Variants in CHID1 observed in about 807,000 individuals in gnomAD.
CHID1 encodes chitinase domain containing 1.
CHID1 carries 44 observed loss-of-function variants against 55.4 expected under a neutral mutation model. The ratio of observed to expected loss-of-function variants is 0.79; its 90% CI spans 0.62 to 1.02. The LOEUF (loss-of-function observed/expected upper bound fraction) is 1.02. CHID1 is among the 50% of genes least tolerant of loss of function. The pLI, the probability that CHID1 is intolerant of heterozygous loss-of-function variation, is 0.00. For missense variants in CHID1, 491 were observed against 515.3 expected (o/e 0.95, Z 0.46); for synonymous variants, 216 against 212.9 (o/e 1.01, Z -0.13).
At chr11:914,315 G>A (rs1852838090), upstream of CHID1, 1 of 255,968 alleles carries the variant, frequency 3.9e-6, no homozygotes, top group South Asian at 3.4e-5. Context: ...CGGGGTGGGT[G>A]TGGAGTGCCC....
At chr11:874,018 C>T (rs916640732) in intron 10 of CHID1, among the ~76,000 whole-genome samples, 1 of 151,950 alleles carries the variant, frequency 6.6e-6, no homozygotes, top group Non-Finnish European at 1.5e-5. Context: ...TGTCCTTGGA[C>T]CTCCTGATGT....
At chr11:885,811 T>C (rs575894037) in intron 8 of CHID1, among the ~76,000 whole-genome samples, 1 of 152,166 alleles carries the variant, frequency 6.6e-6, no homozygotes, top group African/African-American at 2.4e-5. Flanking sequence ...ACTACAGCCT[T>C]GAACTTCTGG....
intron 8 of CHID1, among the ~76,000 whole-genome samples, chr11:893,078 G>A (rs1345773574): frequency 3.9e-5 from 6 of 152,216 alleles, no homozygotes; most frequent in Admixed American, 3.9e-4. Context: ...GGGAAGCCCA[G>A]TGTCTGCCTG....
At chr11:888,047 C>T (rs752854169) in intron 8 of CHID1, among the ~76,000 whole-genome samples, 2 of 152,272 alleles carry the variant, frequency 1.3e-5, no homozygotes, top group African/African-American at 2.4e-5. Flanking sequence ...GACATGGCTC[C>T]ACACCACGCC....
rs769210006 is a variant in CHID1 at position 910,776 on chromosome 11, T to C, written c.-45A>G. The C allele has an allele frequency of 3.5e-6, 4 of 1,139,468 alleles. No individual in the cohort carries two copies. Among genetic ancestry groups the C allele is most frequent in the Non-Finnish European group, 4.4e-6 (4 of 918,826 alleles). The allele number at this position is 1,139,468 out of a possible 1,614,324, so 70.6% of individuals were successfully genotyped here. A position where few individuals can be genotyped will look rare whatever the true frequency, so the allele number is the denominator to read the frequency against. On this transcript the variant is annotated splice_region_variant and 5_prime_UTR_variant, in exon 1 of 13. Transcript: ENST00000323578. ...GGGGCCGGCCGCCGCGGGGCTCACCTGCATGTCAGGGAGGCCGGACGGCCA... is the reference window on the plus strand; with the variant it reads ...GGGGCCGGCCGCCGCGGGGCTCACCCGCATGTCAGGGAGGCCGGACGGCCA...
chr11:870,544 C>G (rs900031438), intron 10 of CHID1, 45 bp from the exon 11 acceptor site: 20 of 1,366,040 alleles, frequency 1.5e-5, no homozygotes, highest in African/African-American at 2.9e-5. Context: ...CCAGCTCCCC[C>G]ACAGCCCCAC....
chr11:913,529 T>C (rs193081824), upstream of CHID1, among the ~76,000 whole-genome samples: 1,008 of 152,222 alleles, frequency 6.6e-3, 42 homozygotes, highest in Admixed American at 0.061. Flanking sequence ...TCCCAGCACT[T>C]TGGGAGGCCG....
chr11:891,011 C>A (rs1266732879), intron 8 of CHID1, among the ~76,000 whole-genome samples: 2 of 152,170 alleles, frequency 1.3e-5, no homozygotes, highest in African/African-American at 2.4e-5. Flanking sequence ...GTGACAAGCA[C>A]AATTACGCGC....
chr11:905,855 A>G (rs901800643), intron 1 of CHID1, among the ~76,000 whole-genome samples: 1 of 152,188 alleles, frequency 6.6e-6, no homozygotes, highest in African/African-American at 2.4e-5. Context: ...CTGGAGTAGA[A>G]CTACATACAA....
chr11:906,270 T>G (rs1164224646), intron 1 of CHID1, among the ~76,000 whole-genome samples: 1 of 150,774 alleles, frequency 6.6e-6, no homozygotes, highest in Non-Finnish European at 1.5e-5. Context: ...GTTGGAATCT[T>G]GCTATGTCAC....
chr11:900,907 G>C, intron 5 of CHID1, 29 bp downstream of exon 5: 2 of 1,590,284 alleles, frequency 1.3e-6, no homozygotes, highest in Non-Finnish European at 1.7e-6. Flanking sequence ...GAGCCATCAG[G>C]GCCTCCACTC....
chr11:885,960 AAC>A (rs1850361047), intron 8 of CHID1, among the ~76,000 whole-genome samples: 1 of 151,730 alleles, frequency 6.6e-6, no homozygotes, highest in South Asian at 2.1e-4. Context: ...AGACCATCCT[AAC>A]ACAGTGAAAC....
At chr11:877,884 G>A (rs943382380) in intron 10 of CHID1, among the ~76,000 whole-genome samples, 2 of 152,226 alleles carry the variant, frequency 1.3e-5, no homozygotes, top group African/African-American at 4.8e-5. Context: ...AGGTGACTGG[G>A]TCATGAGGGC....
upstream of CHID1, chr11:914,472 A>G: frequency 8.2e-7 from 1 of 1,222,624 alleles, no homozygotes; most frequent in Non-Finnish European, 1.1e-6. Flanking sequence ...TGCAGAGATG[A>G]GTGTTTCTGC....
intron 9 of CHID1, 40 bp downstream of exon 9, chr11:884,028 G>C: frequency 6.8e-7 from 1 of 1,480,956 alleles, no homozygotes; most frequent in East Asian, 2.3e-5. Context: ...CTGCACTGTG[G>C]AGTTTGCTGT....
In CHID1 at chr11:902,932, T is replaced by G. The variant is rs781541402; in HGVS notation, c.261+30A>C. 6.3e-6 allele frequency: 10 copies of G among 1,598,136 alleles called. No individual in the cohort carries two copies. In the East Asian group the frequency reaches 1.8e-4, roughly 29 times the overall value. On this transcript the variant is annotated intron_variant, in intron 3 of 12. Coordinates refer to ENST00000323578, the MANE Select transcript of CHID1 (RefSeq NM_023947.4). ...GGCAGCCCACCTGAGCCTCAGGACC[T>G]CCCTCTGCACTGTGAGGGCCCCAAC...
intron 7 of CHID1, among the ~76,000 whole-genome samples, chr11:894,040 T>C (rs1589867501): frequency 7.0e-6 from 1 of 142,656 alleles, no homozygotes; most frequent in Non-Finnish European, 1.5e-5. Flanking sequence ...GAGAATTACT[T>C]GAACCCAGGA....
intron 6 of CHID1, 38 bp from the exon 7 acceptor site, chr11:899,439 C>T (rs1355529045): frequency 6.4e-7 from 1 of 1,562,160 alleles, no homozygotes; most frequent in Admixed American, 1.9e-5. Context: ...GGCCTGGAGG[C>T]CCAGGAGGGA....
chr11:898,782 T>A (rs1051873985), intron 7 of CHID1, among the ~76,000 whole-genome samples: 5 of 152,112 alleles, frequency 3.3e-5, no homozygotes, highest in African/African-American at 7.2e-5. Flanking sequence ...GGGTCATGGG[T>A]GGGCTGGGCT....
Sources: allele counts gnomAD v4.1 joint callset (sites outside exome capture counted in the v4.1 genomes callset), GRCh38; gene constraint gnomAD v4.1.1; transcripts MANE v1.5; gene names NCBI Gene and HGNC (gene_info 2026-07-23, HGNC 2026-07-21).